Variants in WWOX observed in about 807,000 individuals in gnomAD.
The protein encoded by WWOX is WW domain containing oxidoreductase.
In WWOX, 69 loss-of-function variants were observed where a neutral mutation model predicts 46.2. That is an observed-to-expected ratio of 1.49 (90% CI 1.23 to 1.82). WWOX has a LOEUF of 1.82. Ranked by LOEUF, WWOX falls within the 40% of genes most tolerant of loss-of-function variation. WWOX has a pLI of 0.00. For synonymous variants in WWOX, 359 were observed against 202.6 expected (o/e 1.77, Z -6.56); for missense variants, 919 against 542.6 (o/e 1.69, Z -6.89).
chr16:78,730,241 C>G lies in WWOX; in HGVS notation c.1056+297489C>G, dbSNP rs970703955. Among the ~76,000 whole-genome samples, 4 of 152,096 alleles carry G rather than the reference C, an allele frequency of 2.6e-5. No homozygotes were observed. In the South Asian group the frequency reaches 8.3e-4, roughly 32 times the overall value. On this transcript the variant is annotated intron_variant, in intron 8 of 8. Coordinates refer to ENST00000566780, the MANE Select transcript of WWOX (RefSeq NM_016373.4). ...CAAAAAGCGTCTCTGTCAGGATGAT[C>G]TTATGAACGACGTTAGTACCTCAAT...
intron 8 of WWOX, among the ~76,000 whole-genome samples, chr16:78,713,777 T>A (rs1271620577): frequency 2.0e-5 from 3 of 152,160 alleles, no homozygotes; most frequent in African/African-American, 7.2e-5. Context: ...TTCTGTTGTT[T>A]AAGCCACCTA....
intron 8 of WWOX, chr16:78,535,447 A>G (rs903780201): frequency 2.0e-5 from 3 of 152,248 alleles, no homozygotes; most frequent in Non-Finnish European, 2.9e-5. Flanking sequence ...AGAGAAGGCA[A>G]GAGAGGAATG....
intron 5 of WWOX, among the ~76,000 whole-genome samples, chr16:78,350,090 G>A (rs2081159174): frequency 8.3e-6 from 1 of 120,662 alleles, no homozygotes; most frequent in Non-Finnish European, 2.0e-5. Flanking sequence ...TGTCACTTAA[G>A]TTTCTTACCG....
intron 8 of WWOX, among the ~76,000 whole-genome samples, chr16:79,047,121 T>C (rs2048080068): frequency 6.6e-6 from 1 of 152,210 alleles, no homozygotes; most frequent in Non-Finnish European, 1.5e-5. Flanking sequence ...TTCACATATG[T>C]ATTCATTCAT....
intron 8 of WWOX, among the ~76,000 whole-genome samples, chr16:78,982,597 G>GCTCTATGGCC (rs1364003070): frequency 1.3e-5 from 2 of 152,182 alleles, no homozygotes; most frequent in Non-Finnish European, 2.9e-5. Flanking sequence ...GCTATTGTAT[G>GCTCTATGGCC]CTCTATGGCT....
At chr16:78,967,023 G>A (rs1257237419) in intron 8 of WWOX, among the ~76,000 whole-genome samples, 1 of 152,146 alleles carries the variant, frequency 6.6e-6, no homozygotes, top group African/African-American at 2.4e-5. Flanking sequence ...TGTAGAATAT[G>A]CAGACTATTC....
chr16:78,492,804 T>G (rs1350024277), intron 8 of WWOX, among the ~76,000 whole-genome samples: 1 of 152,218 alleles, frequency 6.6e-6, no homozygotes, highest in Non-Finnish European at 1.5e-5. Flanking sequence ...TGTAGCCTTT[T>G]GACAAATTTC....
intron 8 of WWOX, among the ~76,000 whole-genome samples, chr16:79,109,224 TG>T (rs1268945086): frequency 6.6e-6 from 1 of 152,208 alleles, no homozygotes. Flanking sequence ...TTGTCCCTTT[TG>T]CCGCTGTCCT....
chr16:79,135,526 T>C (rs1412871388), intron 8 of WWOX, among the ~76,000 whole-genome samples: 38 of 152,240 alleles, frequency 2.5e-4, no homozygotes, highest in Admixed American at 1.9e-3. Flanking sequence ...TTGCATATTA[T>C]AAGTTGCATT....
intron 8 of WWOX, among the ~76,000 whole-genome samples, chr16:78,863,180 A>T (rs2043929725): frequency 6.6e-6 from 1 of 151,534 alleles, no homozygotes; most frequent in Non-Finnish European, 1.5e-5. Flanking sequence ...CTGGTCTCAA[A>T]CTCCTGACCT....
chr16:78,157,270 C>G (rs907059601), intron 4 of WWOX, among the ~76,000 whole-genome samples: 1 of 152,136 alleles, frequency 6.6e-6, no homozygotes, highest in Non-Finnish European at 1.5e-5. Flanking sequence ...TCTCATTAGC[C>G]TGATTGATGG....
At chr16:78,796,984 C>A (rs2050755251) in intron 8 of WWOX, among the ~76,000 whole-genome samples, 1 of 152,136 alleles carries the variant, frequency 6.6e-6, no homozygotes, top group African/African-American at 2.4e-5. Flanking sequence ...AGCCACCATG[C>A]CTGGCTAATT....
intron 8 of WWOX, among the ~76,000 whole-genome samples, chr16:78,549,464 T>C (rs2044125414): frequency 6.6e-6 from 1 of 152,164 alleles, no homozygotes. Context: ...TCCCATTCAG[T>C]CATGATATGC....
intron 4 of WWOX, among the ~76,000 whole-genome samples, chr16:78,137,632 A>G (rs1646056685): frequency 6.6e-6 from 1 of 152,198 alleles, no homozygotes; most frequent in Non-Finnish European, 1.5e-5. Context: ...ATGCACCGTC[A>G]TATGAAACAG....
At chr16:78,391,995 CT>C (rs68032135) in intron 6 of WWOX, among the ~76,000 whole-genome samples, 38,074 of 144,708 alleles carry the variant, frequency 0.26, 6,463 homozygotes, top group African/African-American at 0.47. Context: ...GTTTTGTCTC[CT>C]TTTTTTTTTT....
chr16:78,424,097 C>CTTTTTTTTTTT (rs1567564550), intron 6 of WWOX, among the ~76,000 whole-genome samples: 2 of 122,980 alleles, frequency 1.6e-5, no homozygotes, highest in African/African-American at 6.7e-5. Flanking sequence ...TTTTTCTTTT[C>CTTTTTTTTTTT]TTTTCTTTTC....
chr16:79,132,931 G>A (rs1366139378), intron 8 of WWOX, among the ~76,000 whole-genome samples: 1 of 152,158 alleles, frequency 6.6e-6, no homozygotes, highest in East Asian at 1.9e-4. Flanking sequence ...GGGCTTCTTG[G>A]CTGATCTGAG....
chr16:78,226,806 C>T (rs1415665439), intron 5 of WWOX, among the ~76,000 whole-genome samples: 1 of 152,062 alleles, frequency 6.6e-6, no homozygotes, highest in Non-Finnish European at 1.5e-5. Context: ...AAGTACGTTT[C>T]CCCCAGCCTT....
rs1173201923 is a variant in WWOX, at chr16:78,735,244, A to G, written c.1056+302492A>G. 3.3e-5 allele frequency among the ~76,000 whole-genome samples: 5 copies of G among 152,116 alleles called. No homozygotes were observed. The East Asian group carries it at 9.8e-4, about 30-fold the overall frequency. On this transcript the variant is annotated intron_variant, in intron 8 of 8. Transcript: ENST00000566780. The stretch of plus-strand genomic sequence containing the variant: ...TGTGTTTTGATCTTGCTGGAGTTGG[A>G]CTGAAACTACACATCAGTTCTCCTG...
Sources: gnomAD v4.1 joint callset for allele counts (sites outside exome capture counted in the v4.1 genomes callset) on GRCh38, gnomAD v4.1.1 for gene constraint, MANE v1.5 for transcripts, NCBI Gene and HGNC (gene_info 2026-07-23, HGNC 2026-07-21) for gene names.